Variants in NELL2 observed in about 807,000 individuals in gnomAD.
NELL2 encodes neural EGFL like 2.
Under a neutral mutation model 109.6 loss-of-function variants are expected in NELL2, and 41 were observed. The ratio of observed to expected loss-of-function variants is 0.37; its 90% confidence interval spans 0.29 to 0.49. The LOEUF is 0.49. Ranked by LOEUF, NELL2 falls within the 20% of genes least tolerant of loss-of-function variation. The pLI, the probability that NELL2 is intolerant of heterozygous loss-of-function variation, is 0.98. For missense variants in NELL2, 900 were observed against 1,008.3 expected, an observed-to-expected ratio of 0.89 and a Z score of 1.45; for synonymous variants, 355 against 344.7, an observed-to-expected ratio of 1.03 and a Z score of -0.33.
At chr12:44,744,845 T>C (rs886123992) in intron 9 of NELL2, among the ~76,000 whole-genome samples, 6 of 152,170 alleles carry the variant, frequency 3.9e-5, no homozygotes, top group Non-Finnish European at 8.8e-5. Context: ...CAGGACCAGA[T>C]GGATTCACAG....
intron 12 of NELL2, among the ~76,000 whole-genome samples, chr12:44,690,329 TAA>T (rs1948861091): frequency 6.6e-6 from 1 of 152,176 alleles, no homozygotes; most frequent in Non-Finnish European, 1.5e-5. Flanking sequence ...ACTAAATTAT[TAA>T]GATGATAAAT....
At chr12:44,839,603 T>C (rs754170460) in intron 2 of NELL2, among the ~76,000 whole-genome samples, 1 of 152,236 alleles carries the variant, frequency 6.6e-6, no homozygotes, top group Admixed American at 6.5e-5. Context: ...TGAAATGTGA[T>C]GTCATTATCT....
intron 12 of NELL2, among the ~76,000 whole-genome samples, chr12:44,667,353 T>G (rs1189764789): frequency 6.6e-6 from 1 of 152,078 alleles, no homozygotes; most frequent in African/African-American, 2.4e-5. Context: ...CCATGATGAG[T>G]GTAATACAGG....
At chr12:44,833,578 G>A (rs954866497) in intron 2 of NELL2, among the ~76,000 whole-genome samples, 4 of 152,152 alleles carry the variant, frequency 2.6e-5, no homozygotes, top group Non-Finnish European at 5.9e-5. Context: ...AGAGAGAAGG[G>A]TTCAATAAAA....
At chr12:44,823,416 G>A (rs1943605536) in intron 2 of NELL2, among the ~76,000 whole-genome samples, 1 of 152,012 alleles carries the variant, frequency 6.6e-6, no homozygotes, top group South Asian at 2.1e-4. Context: ...CTAGCCCTCA[G>A]CAATCACCAT....
At chr12:44,743,626 T>A (rs1188952585) in intron 9 of NELL2, among the ~76,000 whole-genome samples, 2 of 150,596 alleles carry the variant, frequency 1.3e-5, no homozygotes, top group African/African-American at 4.9e-5. Flanking sequence ...AAATGGAAAA[T>A]AAAAAAAGGC....
At chr12:44,537,943 C>T (rs551285122) in intron 15 of NELL2, among the ~76,000 whole-genome samples, 2 of 152,018 alleles carry the variant, frequency 1.3e-5, no homozygotes, top group Admixed American at 6.6e-5. Flanking sequence ...ACCATAAAAT[C>T]CTCTGCACAA....
intron 2 of NELL2, among the ~76,000 whole-genome samples, chr12:44,870,120 A>C (rs1278675893): frequency 6.6e-6 from 1 of 152,160 alleles, no homozygotes; most frequent in Non-Finnish European, 1.5e-5. Context: ...AAAATTCTTT[A>C]TATCCATCTG....
In NELL2 at chr12:44,794,424, C is replaced by G. The variant is rs190655760; in HGVS notation, c.336-14402G>C. 4.5e-4 allele frequency among the ~76,000 whole-genome samples: 69 copies of G among 152,280 alleles called. 1 individual carries two copies. The highest frequency in any genetic ancestry group is 3.4e-3 in the Middle Eastern group (1 of 294). ...CCATGACACACTCTTCCAACAAACA[C>G]GCTTTCCTGAGACAGAATCTGATGC... On this transcript the variant is annotated intron_variant, in intron 3 of 19. Transcript: ENST00000429094.
intron 13 of NELL2, among the ~76,000 whole-genome samples, chr12:44,624,844 A>G (rs1451477472): frequency 6.6e-6 from 1 of 151,778 alleles, no homozygotes; most frequent in Non-Finnish European, 1.5e-5. Context: ...CAAAATAATA[A>G]ACTAAATGAA....
chr12:44,664,245 G>T (rs683285), intron 13 of NELL2, among the ~76,000 whole-genome samples: 43,389 of 151,816 alleles, frequency 0.29, 6,441 homozygotes, highest in East Asian at 0.49. Context: ...ATGAAGAATT[G>T]TTTCCATAAT....
intron 15 of NELL2, among the ~76,000 whole-genome samples, chr12:44,568,554 A>C (rs1057047017): frequency 6.6e-6 from 1 of 152,114 alleles, no homozygotes; most frequent in East Asian, 1.9e-4. Context: ...AATAACTTAG[A>C]AAGGCAAACT....
chr12:44,670,318 G>C (rs1224451418), intron 12 of NELL2, among the ~76,000 whole-genome samples: 1 of 152,004 alleles, frequency 6.6e-6, no homozygotes, highest in Non-Finnish European at 1.5e-5. Flanking sequence ...CTCACTGGTA[G>C]AGCAGATATA....
At chr12:44,881,034 C>T (rs1162723127), upstream of NELL2, 2 of 151,956 alleles carry the variant, frequency 1.3e-5, no homozygotes, top group Admixed American at 1.3e-4. Flanking sequence ...ACAGGCTGGC[C>T]TCTGTGTTGC....
intron 18 of NELL2, 150 bp from the exon 19 acceptor site, chr12:44,520,379 A>T: frequency 1.5e-6 from 1 of 649,770 alleles, no homozygotes; most frequent in Non-Finnish European, 2.6e-6. Context: ...TGAATCTTTC[A>T]GGGAATCTAT....
intron 1 of NELL2, among the ~76,000 whole-genome samples, chr12:44,909,231 G>A (rs562840578): frequency 1.3e-4 from 19 of 151,870 alleles, no homozygotes; most frequent in South Asian, 4.1e-4. Flanking sequence ...CTTCAGTAAA[G>A]TTTCAGAATA....
chr12:44,903,527 C>T (rs958975511), intron 1 of NELL2, among the ~76,000 whole-genome samples: 3 of 152,116 alleles, frequency 2.0e-5, no homozygotes, highest in African/African-American at 4.8e-5. Flanking sequence ...ACCCAGAAAT[C>T]CCATTACTGG....
At chr12:44,603,268 T>G (rs192191022) in intron 15 of NELL2, among the ~76,000 whole-genome samples, 1 of 152,318 alleles carries the variant, frequency 6.6e-6, no homozygotes, top group Non-Finnish European at 1.5e-5. Flanking sequence ...AGCAATTTTT[T>G]TTCAGCTTTG....
In NELL2 at chr12:44,610,881, G is replaced by A. The variant is rs752820352; in HGVS notation, c.1534C>T (p.Pro512Ser). 1.9e-6 allele frequency: 3 copies of A among 1,613,122 alleles called. No individual in the cohort carries two copies. In the Admixed American group the frequency reaches 5.0e-5, roughly 27 times the overall value. Residue 512 changes from proline (P) to serine (S), a missense_variant, in exon 14 of 20, where the codon CCG becomes TCG. By Grantham distance (74) the Pro-to-Ser change is moderately conservative (BLOSUM62 -1). Coordinates refer to ENST00000429094, the MANE Select transcript of NELL2 (RefSeq NM_001145108.2). ...GTCGTTCCATTCCCTGTATAGCCCG[G>A]CTTGCAAACACAGTTGTGTCCTCCA... ...TVGGHNCVCK[P>S]GYTGNGTTCK...
Sources: allele counts gnomAD v4.1 joint callset (sites outside exome capture counted in the v4.1 genomes callset), GRCh38; gene constraint gnomAD v4.1.1; transcripts MANE v1.5; gene names NCBI Gene and HGNC (gene_info 2026-07-23, HGNC 2026-07-21).